The following ARAP2 variants were observed in gnomAD, a reference collection of about 807,000 sequenced individuals.
ARAP2 encodes arf-GAP with Rho-GAP domain, ANK repeat and PH domain-containing protein 2.
A neutral mutation model predicts 194.5 loss-of-function variants in ARAP2; 148 were observed. That is an observed-to-expected ratio of 0.76 (90% CI 0.67 to 0.87). ARAP2 has a LOEUF of 0.87. Among genes scored for constraint, ARAP2 ranks in the 40% least tolerant of loss-of-function variants. ARAP2 has a pLI of 0.00. For synonymous variants in ARAP2, 695 were observed against 683.5 expected (o/e 1.02, Z -0.26); for missense variants, 2,128 against 1,989.7 (o/e 1.07, Z -1.32).
At chr4:36,117,626 A>C (rs767843232) in intron 24 of ARAP2, among the ~76,000 whole-genome samples, 1 of 151,724 alleles carries the variant, frequency 6.6e-6, no homozygotes, top group African/African-American at 2.4e-5. Flanking sequence ...ATATGCCTGA[A>C]AATTGAACTT....
In ARAP2 at chr4:36,239,166, C is replaced by A. The variant is rs538984511; in HGVS notation, c.-160+5013G>T. The stretch of plus-strand genomic sequence containing the variant: ...TGGCACACACCTGTAATCCCAGCTA[C>A]TTAGGAGGTTGAGACATGAGAATCG... On this transcript the variant is annotated intron_variant, in intron 1 of 32. Transcript: ENST00000303965. Among the ~76,000 whole-genome samples the A allele has an allele frequency of 6.6e-5, 10 of 152,068 alleles. No homozygotes were observed. In the East Asian group the frequency reaches 1.5e-3, roughly 24 times the overall value.
intron 6 of ARAP2, among the ~76,000 whole-genome samples, chr4:36,199,002 C>T (rs1341472184): frequency 1.3e-5 from 2 of 152,212 alleles, no homozygotes; most frequent in Non-Finnish European, 2.9e-5. Context: ...GAGTGGGAGG[C>T]CTGGGTCCCA....
At chr4:36,240,129 TATTAGA>T (rs764115948) in intron 1 of ARAP2, among the ~76,000 whole-genome samples, 2 of 152,110 alleles carry the variant, frequency 1.3e-5, no homozygotes, top group African/African-American at 2.4e-5. Context: ...ATAGTATTTC[TATTAGA>T]ATTAAACAAG....
chr4:36,129,643 G>A (rs961958987), intron 20 of ARAP2, among the ~76,000 whole-genome samples: 3 of 151,554 alleles, frequency 2.0e-5, no homozygotes, highest in Admixed American at 6.6e-5. Flanking sequence ...TGCTCTCTCA[G>A]TCTTCTAATT....
At chr4:36,137,951 A>C (rs990453557) in intron 19 of ARAP2, among the ~76,000 whole-genome samples, 1 of 151,788 alleles carries the variant, frequency 6.6e-6, no homozygotes, top group Non-Finnish European at 1.5e-5. Flanking sequence ...TGGACGTGAA[A>C]GATGATCTAC....
At chr4:36,192,644 G>T (rs1424683587) in intron 7 of ARAP2, among the ~76,000 whole-genome samples, 1 of 152,126 alleles carries the variant, frequency 6.6e-6, no homozygotes, top group East Asian at 1.9e-4. Flanking sequence ...CCTAGGCAAC[G>T]AATTGTCTTA....
chr4:36,091,139 T>TA (rs1360661236), intron 28 of ARAP2, among the ~76,000 whole-genome samples: 7 of 152,026 alleles, frequency 4.6e-5, no homozygotes, highest in South Asian at 2.1e-4. Flanking sequence ...CCAGAGAATA[T>TA]AAAAAAAATC....
intron 13 of ARAP2, chr4:36,160,110 T>C: frequency 1.0e-6 from 1 of 994,560 alleles, no homozygotes; most frequent in Non-Finnish European, 1.2e-6. Context: ...TTTTTTTCTT[T>C]TGCCTTGAAA....
At chr4:36,053,184 T>A (rs1457445548) in intron 2 of ARAP2, among the ~76,000 whole-genome samples, 1 of 151,976 alleles carries the variant, frequency 6.6e-6, no homozygotes, top group Non-Finnish European at 1.5e-5. Context: ...TTTTTATATT[T>A]TTAGTAGAGA....
intron 7 of ARAP2, among the ~76,000 whole-genome samples, chr4:36,188,373 A>C (rs1741047110): frequency 6.6e-6 from 1 of 152,226 alleles, no homozygotes. Flanking sequence ...AGAAGAGTTT[A>C]AAACTGGGTA....
intron 6 of ARAP2, among the ~76,000 whole-genome samples, chr4:36,016,883 G>T (rs1440146827): frequency 1.3e-5 from 2 of 152,070 alleles, no homozygotes. Flanking sequence ...TTCAGGTGGA[G>T]CCTCATTCCA....
At chr4:36,205,346 T>C (rs1325720192) in intron 6 of ARAP2, among the ~76,000 whole-genome samples, 1 of 152,046 alleles carries the variant, frequency 6.6e-6, no homozygotes, top group Non-Finnish European at 1.5e-5. Flanking sequence ...AAACAAATGC[T>C]AAAGTAACTA....
chr4:36,149,429 T>A (rs1730416363), intron 16 of ARAP2, among the ~76,000 whole-genome samples: 1 of 152,184 alleles, frequency 6.6e-6, no homozygotes, highest in Non-Finnish European at 1.5e-5. Flanking sequence ...AAAATATGTC[T>A]ATATAAATCT....
intron 8 of ARAP2, among the ~76,000 whole-genome samples, chr4:36,182,518 A>AATAC (rs1739534280): frequency 6.6e-6 from 1 of 151,512 alleles, no homozygotes; most frequent in African/African-American, 2.4e-5. Flanking sequence ...TAAATAAATA[A>AATAC]ATAAATAAAT....
At chr4:36,195,001 T>C (rs1742762733) in intron 6 of ARAP2, among the ~76,000 whole-genome samples, 1 of 150,294 alleles carries the variant, frequency 6.7e-6, no homozygotes, top group Non-Finnish European at 1.5e-5. Context: ...CTACAAAACA[T>C]ACAGGAAAAA....
At chr4:36,122,010 C>A (rs1270240690) in intron 22 of ARAP2, among the ~76,000 whole-genome samples, 1 of 151,416 alleles carries the variant, frequency 6.6e-6, no homozygotes, top group Non-Finnish European at 1.5e-5. Context: ...AGTTGTTAAA[C>A]TGTTTACGAA....
At chr4:36,033,207 G>A (rs1719299058) in intron 5 of ARAP2, among the ~76,000 whole-genome samples, 1 of 152,134 alleles carries the variant, frequency 6.6e-6, no homozygotes, top group Non-Finnish European at 1.5e-5. Context: ...GGATTGCTGG[G>A]TCAAATGGTA....
intron 6 of ARAP2, among the ~76,000 whole-genome samples, chr4:36,196,311 A>T (rs1158340453): frequency 6.6e-6 from 1 of 152,106 alleles, no homozygotes; most frequent in Admixed American, 6.5e-5. Flanking sequence ...GGAGGAGGGG[A>T]AGAGGGAGGG....
Position 36,158,830 on chromosome 4 carries a change from T to C in ARAP2, c.2652A>G (p.Val884=). 2 of 1,610,538 alleles carry C rather than the reference T, an allele frequency of 1.2e-6. No individual in the cohort carries two copies. Among genetic ancestry groups the C allele is most frequent in the Non-Finnish European group, 1.7e-6 (2 of 1,178,954 alleles). The change falls in exon 15 of 33, where the codon GTA becomes GTG. Residue 884 remains valine (V), a synonymous_variant. Coordinates refer to ENST00000303965, the MANE Select transcript of ARAP2 (RefSeq NM_015230.4). ...FPQHDIHSEG[V]LSQESSQSTF... ...TGGACTGGGAAGACTCTTGACTTAA[T>C]ACACCCTCGGAATGAATATCATGTT...
Sources: gnomAD v4.1 joint callset for allele counts (sites outside exome capture counted in the v4.1 genomes callset) on GRCh38, gnomAD v4.1.1 for gene constraint, MANE v1.5 for transcripts, NCBI Gene and HGNC (gene_info 2026-07-23, HGNC 2026-07-21) for gene names.